Variants in TET1 observed in about 807,000 individuals in gnomAD.
The protein encoded by TET1 is tet methylcytosine dioxygenase 1, also known as methylcytosine dioxygenase TET1.
A neutral mutation model predicts 148.7 loss-of-function variants in TET1; 13 were observed. The observed-to-expected ratio is 0.09, with a 90% confidence interval of 0.06 to 0.14. The LOEUF (loss-of-function observed/expected upper bound fraction) is 0.14, where lower values mean the gene tolerates loss of function less well. TET1 is among the 10% of genes least tolerant of loss of function. The probability of loss-of-function intolerance (pLI) is 1.00; values close to 1 mark genes in which losing one functional copy is unlikely to be tolerated. For missense variants in TET1, 2,182 were observed against 2,553.8 expected, an observed-to-expected ratio of 0.85 and a Z score of 3.14; for synonymous variants, 907 against 937.2, an observed-to-expected ratio of 0.97 and a Z score of 0.59.
In TET1 at chr10:68,692,301, G is replaced by A. The variant is rs1478648625; in HGVS notation, c.*487G>A. 1 of 232,634 alleles carries A rather than the reference G, an allele frequency of 4.3e-6. No homozygotes were observed. The highest frequency in any genetic ancestry group is 8.5e-6 in the Non-Finnish European group (1 of 117,636). 14.4% of individuals were successfully genotyped at this position (232,634 alleles called of 1,614,324 possible). A position where few individuals can be genotyped will look rare whatever the true frequency, so the allele number is the denominator to read the frequency against. On this transcript the variant is annotated 3_prime_UTR_variant, in exon 12 of 12. Transcript: ENST00000373644. ...TTCCAACATCTTCCAATCATTGCTA[G>A]AAAATTGGCATATTCCTTTGAAATA...
At chr10:68,648,325 G>GTTACT (rs1230056184) in intron 4 of TET1, among the ~76,000 whole-genome samples, 45 of 152,226 alleles carry the variant, frequency 3.0e-4, no homozygotes, top group African/African-American at 1.1e-3. Context: ...TACTGTCTAT[G>GTTACT]GCCAAATTTC....
intron 1 of TET1, 71 bp from the exon 2 acceptor site, chr10:68,572,146 G>C: frequency 1.8e-6 from 1 of 556,668 alleles, no homozygotes; most frequent in Non-Finnish European, 3.2e-6. Flanking sequence ...AATTAGTAGT[G>C]AATATTCTAT....
chr10:68,624,482 T>C (rs1387749500), intron 3 of TET1, among the ~76,000 whole-genome samples: 7 of 151,280 alleles, frequency 4.6e-5, no homozygotes, highest in Non-Finnish European at 1.0e-4. Context: ...AGAGGCAGGG[T>C]TTCTCCATGT....
At chr10:68,564,441 GC>G (rs2053585899) in intron 1 of TET1, among the ~76,000 whole-genome samples, 1 of 151,442 alleles carries the variant, frequency 6.6e-6, no homozygotes, top group South Asian at 2.1e-4. Context: ...GAGCCACCAC[GC>G]CTGGCCAAAA....
chr10:68,659,036 T>G (rs542706082), intron 6 of TET1, among the ~76,000 whole-genome samples: 2 of 152,318 alleles, frequency 1.3e-5, no homozygotes, highest in South Asian at 4.1e-4. Flanking sequence ...AAGACCAGGC[T>G]GGCCAACGTG....
rs780106757 is a variant in TET1 at position 68,686,470 on chromosome 10, G to C, written c.5167G>C (p.Glu1723Gln). ...AGACACAGATGAGTTTGGCTCCAAG[G>C]AAGGAATGGAAGCCAAGATCAAATC... Reference protein sequence around the residue: ...LSDTDEFGSKEGMEAKIKSGA... With the variant: ...LSDTDEFGSKQGMEAKIKSGA... Residue 1723 changes from glutamate (E) to glutamine (Q), a missense_variant, in exon 11 of 12, where the codon GAA (glutamate) becomes CAA (glutamine). Around this residue, in one of 11 missense-constraint regions of TET1, gnomAD observed 380 missense variants for 387.9 expected, o/e 0.98. Coordinates refer to ENST00000373644, the MANE Select transcript of TET1 (RefSeq NM_030625.3). The C allele has an allele frequency of 3.7e-6, 6 of 1,613,996 alleles. No homozygotes were observed. In the African/African-American group the frequency reaches 8.0e-5, roughly 22 times the overall value.
intron 8 of TET1, among the ~76,000 whole-genome samples, chr10:68,680,379 C>T (rs977030037): frequency 6.6e-6 from 1 of 152,206 alleles, no homozygotes; most frequent in South Asian, 2.1e-4. Context: ...CTGGCTCTGT[C>T]ACCCAGGCCG....
intron 10 of TET1, 119 bp downstream of exon 10, chr10:68,683,092 A>G: frequency 1.6e-6 from 2 of 1,217,912 alleles, no homozygotes; most frequent in African/African-American, 1.7e-5. Flanking sequence ...TGTTATTAGA[A>G]ATAAGTGGAA....
At chr10:68,588,271 C>G (rs902098325) in intron 2 of TET1, among the ~76,000 whole-genome samples, 1 of 152,216 alleles carries the variant, frequency 6.6e-6, no homozygotes, top group Non-Finnish European at 1.5e-5. Flanking sequence ...GTGTGCATCA[C>G]TATGCTCAGC....
intron 2 of TET1, among the ~76,000 whole-genome samples, chr10:68,592,648 T>A (rs905922955): frequency 6.6e-6 from 1 of 152,076 alleles, no homozygotes; most frequent in African/African-American, 2.4e-5. Flanking sequence ...CTCAGCAACT[T>A]AGTGCTCCAG....
chr10:68,579,388 G>A (rs540339304), intron 2 of TET1, among the ~76,000 whole-genome samples: 2 of 152,120 alleles, frequency 1.3e-5, no homozygotes, highest in Admixed American at 1.3e-4. Context: ...AGTTCTGAGC[G>A]CTACCACCTC....
chr10:68,676,254 ATATATATATATATATTTTTTT>A (rs1384002535), intron 8 of TET1, among the ~76,000 whole-genome samples: 39 of 36,806 alleles, frequency 1.1e-3, no homozygotes, highest in African/African-American at 4.9e-3. Flanking sequence ...ATATATATAT[ATATATATATATATATTTTTTT>A]TTTTTTTTTT....
At position 68,686,624 on chromosome 10, in the gene TET1, A is replaced by G; in HGVS notation, c.5321A>G (p.Glu1774Gly). ...EVLAHKIRAV[E>G]KKPIPRIKRK... The stretch of plus-strand genomic sequence containing the variant: ...CTTGCACATAAGATAAGGGCAGTGG[A>G]AAAGAAACCTATTCCCCGAATCAAG... The change falls in exon 11 of 12, where the codon GAA (glutamate) becomes GGA (glycine). Residue 1774 changes from glutamate to glycine, a missense_variant. Physicochemically the swap from Glu to Gly is moderately conservative, Grantham distance 98. Around this residue, in one of 11 missense-constraint regions of TET1, gnomAD observed 380 missense variants for 387.9 expected, o/e 0.98. Coordinates refer to ENST00000373644, the MANE Select transcript of TET1 (RefSeq NM_030625.3). 1 of 1,614,160 alleles carries G rather than the reference A, an allele frequency of 6.2e-7. No individual in the cohort carries two copies. Among genetic ancestry groups the G allele is most frequent in the Non-Finnish European group, 8.5e-7 (1 of 1,180,028 alleles).
chr10:68,667,166 C>A lies in TET1; in HGVS notation c.4583C>A (p.Pro1528Gln). 1 of 1,614,040 alleles carries A rather than the reference C, an allele frequency of 6.2e-7. No homozygotes were observed. Among genetic ancestry groups the A allele is most frequent in the Non-Finnish European group, 8.5e-7 (1 of 1,180,014 alleles). Residue 1528 changes from proline to glutamine, a missense_variant, in exon 7 of 12, where the codon CCA becomes CAA. By Grantham distance (76) the Pro-to-Gln change is moderately conservative. Transcript: ENST00000373644. ...ATGGTGTGGGATGGCATCCCTCTTC[C>A]AATGGCCGACCGGCTATACACAGAG... ...LIMVWDGIPLPMADRLYTELT... is the reference protein window; with the variant it reads ...LIMVWDGIPLQMADRLYTELT...
chr10:68,688,733 C>A (rs555498427), intron 11 of TET1, among the ~76,000 whole-genome samples: 2 of 152,080 alleles, frequency 1.3e-5, no homozygotes, highest in African/African-American at 4.8e-5. Context: ...CCACCGTGCC[C>A]GGCCTACTTT....
chr10:68,634,770 G>A (rs949100142), intron 3 of TET1, among the ~76,000 whole-genome samples: 1 of 151,896 alleles, frequency 6.6e-6, no homozygotes, highest in Non-Finnish European at 1.5e-5. Context: ...TTTTTTGTTT[G>A]TTTGTTTGTT....
chr10:68,629,368 AAAT>A (rs1356785318), intron 3 of TET1, among the ~76,000 whole-genome samples: 5 of 151,972 alleles, frequency 3.3e-5, no homozygotes, highest in Non-Finnish European at 7.4e-5. Flanking sequence ...TCGTCTCAAA[AAAT>A]AATAATAATA....
At position 68,691,586 on chromosome 10, in the gene TET1, T is replaced by C. The variant is rs1458361512; in HGVS notation, c.6183T>C (p.Phe2061=). 1.2e-6 allele frequency: 2 copies of C among 1,614,086 alleles called. No homozygotes were observed. The highest frequency in any genetic ancestry group is 2.7e-5 in the African/African-American group (2 of 74,918). The change falls in exon 12 of 12, where the codon TTT becomes TTC. Residue 2061 remains phenylalanine (F), a synonymous_variant. Transcript: ENST00000373644. This position sits in a 1 kb window ranked among gnomAD's most constrained non-coding sequence, Gnocchi z 4.4. ...HKNLNKPQHG[F]ELNKIKFEAK... is the part of the protein sequence containing the mutation. ...ACCTAAATAAGCCCCAACATGGTTT[T>C]GAACTAAACAAGATTAAGTTTGAGG...
chr10:68,681,842 C>T (rs1474065432), intron 9 of TET1, among the ~76,000 whole-genome samples: 2 of 151,598 alleles, frequency 1.3e-5, no homozygotes, highest in Admixed American at 6.6e-5. Context: ...TGGGTGTGCA[C>T]CTGTAGTCCC....
Sources: allele counts gnomAD v4.1 joint callset (sites outside exome capture counted in the v4.1 genomes callset), GRCh38; gene constraint gnomAD v4.1.1; regional missense constraint gnomAD v4.1.1; non-coding constraint Gnocchi (gnomAD v3.1); transcripts MANE v1.5; gene names NCBI Gene and HGNC (gene_info 2026-07-23, HGNC 2026-07-21).